Variants in KIF25 observed in about 807,000 individuals in gnomAD.
The protein encoded by KIF25 is kinesin family member 25, also known as kinesin-like protein KIF25.
Under a neutral mutation model 32.9 loss-of-function variants are expected in KIF25, and 19 were observed. That is an observed-to-expected ratio of 0.58 (90% CI 0.40 to 0.85). The LOEUF is 0.85. Ranked by LOEUF, KIF25 falls within the 40% of genes least tolerant of loss-of-function variation. KIF25 has a pLI of 0.00. For synonymous variants in KIF25, 225 were observed against 213.7 expected (o/e 1.05, Z -0.46); for missense variants, 485 against 507.0 (o/e 0.96, Z 0.42).
chr6:168,032,899 C>A (rs1583141377), intron 7 of KIF25, among the ~76,000 whole-genome samples: 1 of 152,168 alleles, frequency 6.6e-6, no homozygotes, highest in Non-Finnish European at 1.5e-5. Flanking sequence ...TGGACCCATA[C>A]CTTTACAACC....
intron 12 of KIF25, among the ~76,000 whole-genome samples, chr6:168,044,545 G>T (rs1452159525): frequency 9.1e-6 from 1 of 109,358 alleles, no homozygotes; most frequent in African/African-American, 3.2e-5. Context: ...CTCCCTGACC[G>T]GGGTGAGGGG....
chr6:167,999,849 T>A (rs1363069901), intron 2 of KIF25, among the ~76,000 whole-genome samples: 1 of 152,062 alleles, frequency 6.6e-6, no homozygotes, highest in African/African-American at 2.4e-5. Context: ...CCATACTCAA[T>A]ATGACTTACT....
chr6:167,999,773 T>C (rs1017036416), intron 2 of KIF25, among the ~76,000 whole-genome samples: 4 of 152,208 alleles, frequency 2.6e-5, no homozygotes, highest in Non-Finnish European at 5.9e-5. Flanking sequence ...TAGAGAAAGT[T>C]TTGATGGTAT....
At chr6:168,027,097 G>C (rs1052036163) in intron 5 of KIF25, among the ~76,000 whole-genome samples, 6 of 152,146 alleles carry the variant, frequency 3.9e-5, no homozygotes, top group Non-Finnish European at 7.4e-5. Context: ...AGGCAGAGAT[G>C]GGGGAGGCCC....
intron 7 of KIF25, among the ~76,000 whole-genome samples, chr6:168,032,650 C>T (rs1018513535): frequency 2.0e-5 from 3 of 152,182 alleles, no homozygotes; most frequent in Admixed American, 2.0e-4. Context: ...CTAGGGGAGA[C>T]TTAGATGTCA....
At chr6:168,038,376 C>T (rs1003177676) in intron 8 of KIF25, among the ~76,000 whole-genome samples, 177 bp from the exon 9 acceptor site, 2 of 152,166 alleles carry the variant, frequency 1.3e-5, no homozygotes, top group African/African-American at 4.8e-5. Context: ...CACCCTACAA[C>T]CTAAATGGCA....
intron 4 of KIF25, among the ~76,000 whole-genome samples, chr6:168,012,137 G>C (rs1798655339): frequency 6.6e-6 from 1 of 152,154 alleles, no homozygotes. Context: ...ATCTCACTGA[G>C]TTTCCTTAAG....
intron 2 of KIF25, among the ~76,000 whole-genome samples, chr6:168,000,737 C>T (rs576982373): frequency 5.9e-5 from 9 of 152,294 alleles, no homozygotes; most frequent in African/African-American, 9.6e-5. Context: ...CTGCGCTTCC[C>T]GGCTGTCCCA....
chr6:168,010,768 T>G (rs1453005410), intron 4 of KIF25, among the ~76,000 whole-genome samples: 1 of 152,146 alleles, frequency 6.6e-6, no homozygotes. Context: ...ACCCTTTAGA[T>G]CTAATAATGT....
intron 10 of KIF25, 57 bp downstream of exon 10, chr6:168,040,273 G>GA (rs527239234): frequency 3.9e-6 from 6 of 1,538,936 alleles, no homozygotes; most frequent in Non-Finnish European, 4.4e-6. Flanking sequence ...CACTTAAGAA[G>GA]AAAAAAATCA....
chr6:168,016,887 C>A (rs1329033852), intron 4 of KIF25, among the ~76,000 whole-genome samples: 1 of 152,242 alleles, frequency 6.6e-6, no homozygotes, highest in African/African-American at 2.4e-5. Context: ...GCTCTGTCCC[C>A]AGGCAGCGCG....
At chr6:168,043,687 G>T (rs61147913) in intron 12 of KIF25, among the ~76,000 whole-genome samples, 7,435 of 152,294 alleles carry the variant, frequency 0.049, 353 homozygotes, top group African/African-American at 0.12. Flanking sequence ...CTGGGTCAGG[G>T]GCACAGCCCA....
chr6:168,025,725 C>T (rs1005223353), intron 5 of KIF25, among the ~76,000 whole-genome samples: 15 of 152,168 alleles, frequency 9.9e-5, no homozygotes, highest in African/African-American at 2.9e-4. Flanking sequence ...GGATTCAATG[C>T]GCACCTTCGG....
intron 8 of KIF25, 26 bp from the exon 9 acceptor site, chr6:168,038,527 A>G: frequency 6.2e-7 from 1 of 1,611,698 alleles, no homozygotes; most frequent in Non-Finnish European, 8.5e-7. Context: ...ACTTTCTGTA[A>G]GTTTCTCTTG....
intron 11 of KIF25, 29 bp downstream of exon 11, chr6:168,042,180 G>C: frequency 6.5e-7 from 1 of 1,540,460 alleles, no homozygotes; most frequent in South Asian, 1.2e-5. Context: ...TTCCCTGGGG[G>C]GTGGGTGCTG....
In KIF25 at chr6:168,021,446, C is replaced by T. The variant is rs571845490; in HGVS notation, c.-95+3406C>T. Among the ~76,000 whole-genome samples the T allele has an allele frequency of 3.9e-5, 6 of 152,224 alleles. No homozygotes were observed. The South Asian group carries it at 8.3e-4, about 21-fold the overall frequency. On this transcript the variant is annotated intron_variant, in intron 5 of 12. Coordinates refer to ENST00000643607, the MANE Select transcript of KIF25 (RefSeq NM_030615.4). ...TCCCCTTTCTCTCTGCTTCAAATGACGCACGAGTTTACATACTGTGCTAAC... is the reference window on the plus strand; with the variant it reads ...TCCCCTTTCTCTCTGCTTCAAATGATGCACGAGTTTACATACTGTGCTAAC...
At position 168,035,689 on chromosome 6, in the gene KIF25, T is replaced by C. The variant is rs868498470; in HGVS notation, c.317+1658T>C. 77 of 455,766 alleles carry C rather than the reference T, an allele frequency of 1.7e-4. 1 individual carries two copies. The highest frequency in any genetic ancestry group is 1.6e-3 in the Middle Eastern group (5 of 3,068). 28.2% of individuals were successfully genotyped at this position (455,766 alleles called of 1,614,324 possible). On this transcript the variant is annotated intron_variant, in intron 8 of 12. Coordinates refer to ENST00000643607, the MANE Select transcript of KIF25 (RefSeq NM_030615.4). The stretch of plus-strand genomic sequence containing the variant: ...CGTTTCAGTCGCCTCGTTTCTAAAA[T>C]GGTTTTTCCGTTTTGCTGTTCTGAG...
chr6:168,029,783 T>G, intron 6 of KIF25, 106 bp downstream of exon 6: 1 of 1,415,798 alleles, frequency 7.1e-7, no homozygotes, highest in South Asian at 1.4e-5. Context: ...TGGTGTATTT[T>G]CTGAGTGAAA....
intron 12 of KIF25, 110 bp from the exon 13 acceptor site, chr6:168,044,717 C>A: frequency 8.6e-7 from 1 of 1,156,992 alleles, no homozygotes; most frequent in Non-Finnish European, 1.2e-6. Flanking sequence ...CGCTGGGGCG[C>A]CGGGCGGCCC....
Sources: gnomAD v4.1 joint callset for allele counts (sites outside exome capture counted in the v4.1 genomes callset) on GRCh38, gnomAD v4.1.1 for gene constraint, MANE v1.5 for transcripts, NCBI Gene and HGNC (gene_info 2026-07-23, HGNC 2026-07-21) for gene names.